Variants in DIAPH2 observed in about 807,000 individuals in gnomAD.
The protein encoded by DIAPH2 is protein diaphanous homolog 2.
In DIAPH2, 35 loss-of-function variants were observed where a neutral mutation model predicts 92.7. The observed-to-expected ratio is 0.38, with a 90% CI of 0.29 to 0.50. DIAPH2 has a LOEUF of 0.50. Ranked by LOEUF, DIAPH2 falls within the 20% of genes least tolerant of loss-of-function variation. The probability of loss-of-function intolerance (pLI) is 0.94; values close to 1 mark genes in which losing one functional copy is unlikely to be tolerated. For synonymous variants in DIAPH2, 301 were observed against 280.4 expected (o/e 1.07, Z -0.73); for missense variants, 701 against 819.5 (o/e 0.86, Z 1.77).
chrX:96,838,363 A>T (rs530693208), intron 4 of DIAPH2, among the ~76,000 whole-genome samples: 115 of 112,143 alleles, frequency 1.0e-3, no homozygotes, highest in African/African-American at 3.6e-3. Context: ...TAGTCAATAC[A>T]CATTAGGAAG....
chrX:97,577,093 T>G (rs1441349327), intron 26 of DIAPH2, among the ~76,000 whole-genome samples: 2 of 111,945 alleles, frequency 1.8e-5, no homozygotes, highest in African/African-American at 6.5e-5. Context: ...TATGTACTAC[T>G]TCACAATCTA....
intron 22 of DIAPH2, among the ~76,000 whole-genome samples, chrX:97,233,920 A>T (rs2068027067): frequency 9.0e-6 from 1 of 111,687 alleles, no homozygotes; most frequent in South Asian, 3.8e-4. Flanking sequence ...ATTCAACAGA[A>T]TAAACTTATA....
intron 26 of DIAPH2, among the ~76,000 whole-genome samples, chrX:97,513,964 T>C (rs1236832600): frequency 2.8e-5 from 3 of 106,027 alleles, no homozygotes; most frequent in Non-Finnish European, 5.7e-5. Context: ...ATTTCAACTT[T>C]GGTGAATCTG....
chrX:97,489,192 A>G (rs1295133208), intron 26 of DIAPH2, among the ~76,000 whole-genome samples: 1 of 111,930 alleles, frequency 8.9e-6, no homozygotes, highest in Non-Finnish European at 1.9e-5. Flanking sequence ...TCTTTGTGAT[A>G]CTATGCAAAT....
chrX:97,230,382 T>C (rs200235945), intron 22 of DIAPH2, among the ~76,000 whole-genome samples: 1 of 111,843 alleles, frequency 8.9e-6, no homozygotes, highest in East Asian at 2.8e-4. Context: ...TTTACTGGGG[T>C]TTTCTTTCTA....
intron 17 of DIAPH2, among the ~76,000 whole-genome samples, chrX:97,020,374 G>A (rs762982579): frequency 8.9e-6 from 1 of 111,836 alleles, no homozygotes; most frequent in African/African-American, 3.2e-5. Flanking sequence ...ATTAGTCCTC[G>A]CTACTTCTAA....
chrX:97,123,964 A>C (rs1052716637), intron 21 of DIAPH2, among the ~76,000 whole-genome samples: 1 of 112,332 alleles, frequency 8.9e-6, no homozygotes, highest in Non-Finnish European at 1.9e-5. Flanking sequence ...GATGAAGGTA[A>C]TATGTGTCTC....
At chrX:97,279,344 C>T (rs1286625224) in intron 23 of DIAPH2, among the ~76,000 whole-genome samples, 4 of 105,076 alleles carry the variant, frequency 3.8e-5, no homozygotes, top group Admixed American at 1.0e-4. Context: ...GCTCTGTCAC[C>T]CACGCTGGAG....
In DIAPH2 at chrX:96,957,630, A is replaced by T. The variant is rs2065819840; in HGVS notation, c.1615-198A>T. Reference sequence around the variant, plus strand: ...TCCAGAATTTATAATGCTTATAAAAAATCTACACAGGCCTTTTTCATATAC... The same window carrying T: ...TCCAGAATTTATAATGCTTATAAAATATCTACACAGGCCTTTTTCATATAC... On this transcript the variant is annotated intron_variant, in intron 15 of 26. Transcript: ENST00000324765. Among the ~76,000 whole-genome samples the T allele has an allele frequency of 1.9e-5, 2 of 106,560 alleles. 1 individual carries two copies. Among genetic ancestry groups the T allele is most frequent in the South Asian group, 8.1e-4 (2 of 2,478 alleles). 92.5% of individuals were successfully genotyped at this position (106,560 alleles called of 115,157 possible).
At position 96,713,585 on chromosome X, in the gene DIAPH2, T is replaced by C. The variant is rs749559783; in HGVS notation, c.133-22173T>C. Among the ~76,000 whole-genome samples, 20 of 112,137 alleles carry C rather than the reference T, an allele frequency of 1.8e-4. No individual in the cohort carries two copies. The Admixed American group carries it at 1.9e-3, about 11-fold the overall frequency. On this transcript the variant is annotated intron_variant, in intron 1 of 26. Transcript: ENST00000324765. The stretch of plus-strand genomic sequence containing the variant: ...ACATAATGGCATGGATTTACCATTA[T>C]AGTAGAACATACAGAGTAATTCCAC...
At chrX:97,591,101 T>C (rs1214121015) in intron 26 of DIAPH2, among the ~76,000 whole-genome samples, 1 of 111,894 alleles carries the variant, frequency 8.9e-6, no homozygotes, top group Non-Finnish European at 1.9e-5. Context: ...ATTTAGTCAT[T>C]AAATAGCAAT....
At chrX:97,169,069 A>G (rs1242273886) in intron 22 of DIAPH2, among the ~76,000 whole-genome samples, 2 of 111,998 alleles carry the variant, frequency 1.8e-5, no homozygotes, top group African/African-American at 3.2e-5. Flanking sequence ...CATTCAGTCC[A>G]TAGCAGCATG....
chrX:96,865,314 G>A (rs1448168152), intron 4 of DIAPH2, among the ~76,000 whole-genome samples: 2 of 111,678 alleles, frequency 1.8e-5, no homozygotes, highest in Non-Finnish European at 3.8e-5. Flanking sequence ...TTAGTGTTCC[G>A]ATACTGGAAC....
chrX:96,764,747 C>T (rs1344996317), intron 4 of DIAPH2, among the ~76,000 whole-genome samples: 1 of 111,525 alleles, frequency 9.0e-6, no homozygotes, highest in African/African-American at 3.3e-5. Flanking sequence ...ATACTTCACA[C>T]TTTAAGAAGT....
chrX:97,212,534 AC>A (rs1295486915), intron 22 of DIAPH2, among the ~76,000 whole-genome samples: 2 of 107,523 alleles, frequency 1.9e-5, no homozygotes, highest in Non-Finnish European at 3.8e-5. Context: ...TCCTATTCTT[AC>A]CTTTCTCACT....
chrX:97,015,075 C>A (rs1381533031), intron 17 of DIAPH2, among the ~76,000 whole-genome samples: 1 of 111,372 alleles, frequency 9.0e-6, no homozygotes, highest in African/African-American at 3.3e-5. Context: ...ATGTTTAATT[C>A]TGTCTCTGTA....
intron 22 of DIAPH2, among the ~76,000 whole-genome samples, 166 bp downstream of exon 22, chrX:97,141,960 A>C (rs2067211478): frequency 1.8e-5 from 2 of 112,346 alleles, no homozygotes; most frequent in Admixed American, 1.9e-4. Context: ...AGCATACTAC[A>C]TTTTAATAAC....
At chrX:96,898,594 T>A (rs2065365932) in intron 5 of DIAPH2, among the ~76,000 whole-genome samples, 1 of 106,984 alleles carries the variant, frequency 9.3e-6, no homozygotes, top group African/African-American at 3.3e-5. Flanking sequence ...TTCTTGTAAA[T>A]TTGTTTGAGT....
intron 3 of DIAPH2, among the ~76,000 whole-genome samples, chrX:96,739,938 C>G (rs778349808): frequency 8.9e-6 from 1 of 111,967 alleles, no homozygotes; most frequent in Admixed American, 9.5e-5. Context: ...TGTCCTTTAC[C>G]CTTGCTACTC....
Sources: allele counts gnomAD v4.1 joint callset (sites outside exome capture counted in the v4.1 genomes callset), GRCh38; gene constraint gnomAD v4.1.1; transcripts MANE v1.5; gene names NCBI Gene and HGNC (gene_info 2026-07-23, HGNC 2026-07-21).